PMS2: variants seen among roughly 807,000 people sequenced by gnomAD.
PMS2 encodes mismatch repair endonuclease PMS2.
A neutral mutation model predicts 90.0 loss-of-function variants in PMS2; 69 were observed. The ratio of observed to expected loss-of-function variants is 0.77; its 90% confidence interval spans 0.63 to 0.94. The LOEUF (loss-of-function observed/expected upper bound fraction) is 0.94. Among genes scored for constraint, PMS2 ranks in the 40% least tolerant of loss-of-function variants. The pLI is 0.00. For missense variants in PMS2, 966 were observed against 1,040.2 expected, an observed-to-expected ratio of 0.93 and a Z score of 0.98; for synonymous variants, 332 against 375.1, an observed-to-expected ratio of 0.89 and a Z score of 1.33.
At chr7:5,990,610 T>C (rs575836072) in intron 9 of PMS2, among the ~76,000 whole-genome samples, 10 of 152,326 alleles carry the variant, frequency 6.6e-5, no homozygotes, top group Admixed American at 4.6e-4. Flanking sequence ...TAGTACATTA[T>C]AGGTAGGTGT....
At chr7:6,008,394 A>G (rs2128861562) in intron 1 of PMS2, among the ~76,000 whole-genome samples, 1 of 152,244 alleles carries the variant, frequency 6.6e-6, no homozygotes, top group South Asian at 2.1e-4. Flanking sequence ...CATTTTTAAA[A>G]ACTGCGCAGC....
At chr7:5,993,720 G>C (rs527593805) in intron 8 of PMS2, among the ~76,000 whole-genome samples, 20 of 151,562 alleles carry the variant, frequency 1.3e-4, no homozygotes, top group African/African-American at 4.3e-4. Flanking sequence ...AATTAGCCGG[G>C]TGTGGTGATG....
intron 7 of PMS2, among the ~76,000 whole-genome samples, chr7:5,996,267 T>A (rs1444755526): frequency 2.0e-5 from 3 of 151,884 alleles, no homozygotes; most frequent in African/African-American, 4.8e-5. Context: ...GAAATACAGA[T>A]CTTAGGCTGG....
chr7:5,995,511 T>G (rs1784287243), intron 8 of PMS2, 23 bp downstream of exon 8: 1 of 1,525,424 alleles, frequency 6.6e-7, no homozygotes, highest in Non-Finnish European at 9.1e-7. Flanking sequence ...AAGAACAAAC[T>G]AACACAAAAA....
chr7:5,994,784 AAAAG>A (rs1784194792), intron 8 of PMS2, among the ~76,000 whole-genome samples: 1 of 152,048 alleles, frequency 6.6e-6, no homozygotes, highest in African/African-American at 2.4e-5. Context: ...CAGAAAAAAA[AAAAG>A]AAAGAAAAGA....
At chr7:6,002,740 A>C in intron 4 of PMS2, 104 bp from the exon 5 acceptor site, 1 of 893,888 alleles carries the variant, frequency 1.1e-6, no homozygotes, top group Non-Finnish European at 1.9e-6. Context: ...TTTCTTAAAA[A>C]GCTGACGATC....
chr7:5,987,751 T>C, intron 10 of PMS2, 131 bp from the exon 11 acceptor site: 1 of 1,047,030 alleles, frequency 9.6e-7, no homozygotes. Context: ...CAGTTCAATG[T>C]TCAAAATAAA....
intron 5 of PMS2, among the ~76,000 whole-genome samples, chr7:6,001,286 G>A (rs1400963142): frequency 2.0e-5 from 3 of 151,766 alleles, no homozygotes; most frequent in East Asian, 1.9e-4. Context: ...TAAACACAAC[G>A]ACTATATAAC....
At chr7:5,998,990 A>T in intron 6 of PMS2, 118 bp downstream of exon 6, 3 of 13,094 alleles carry the variant, frequency 2.3e-4, no homozygotes, top group Non-Finnish European at 4.1e-4. Flanking sequence ...ACTCCCTCTC[A>T]AAAAAAAAAA....
intron 12 of PMS2, among the ~76,000 whole-genome samples, chr7:5,981,837 C>T (rs1562611837): frequency 6.6e-6 from 1 of 151,650 alleles, no homozygotes; most frequent in Non-Finnish European, 1.5e-5. Context: ...CAGTAACAAC[C>T]CCATAGGTTT....
Position 5,986,867 on chromosome 7 carries a change from T to C in PMS2, c.1898A>G (p.His633Arg), listed in dbSNP as rs63750024. Residue 633 changes from histidine to arginine, a missense_variant, in exon 11 of 15, where the codon CAT becomes CGT. Physicochemically the swap from His to Arg is conservative, Grantham distance 29. This residue lies in a region of PMS2 where 871 missense variants were observed against 802.4 expected (regional missense o/e 1.09). Transcript: ENST00000265849. ...CCCTTCACTTTGCTGTGCTTCATGATGTAACTGCTTTATTCGTTTAGCTAA... is the reference window on the plus strand; with the variant it reads ...CCCTTCACTTTGCTGTGCTTCATGACGTAACTGCTTTATTCGTTTAGCTAA... ...SSLAKRIKQL[H>R]HEAQQSEGEQ... The C allele has an allele frequency of 6.2e-7, 1 of 1,614,146 alleles. No individual in the cohort carries two copies. The highest frequency in any genetic ancestry group is 2.2e-5 in the East Asian group (1 of 44,882).
Position 5,987,050 on chromosome 7 carries a change from G to A in PMS2, c.1715C>T (p.Ala572Val), listed in dbSNP as rs770625733. The change falls in exon 11 of 15, where the codon GCA becomes GTA. Residue 572 changes from alanine (A) to valine (V), a missense_variant. By Grantham distance (64) the Ala-to-Val change is moderately conservative (BLOSUM62 0). Transcript: ENST00000265849. ...FRVLPQPTNL[A>V]TPNTKRFKKE... ...TTTAAAACGCTTTGTGTTTGGGGTT[G>A]CGAGATTAGTTGGCTGAGGCAAAAC... The A allele has an allele frequency of 7.4e-6, 12 of 1,614,180 alleles. No homozygotes were observed. Among genetic ancestry groups the A allele is most frequent in the Middle Eastern group, 1.6e-4 (1 of 6,062 alleles).
In PMS2 at chr7:5,987,512, G is replaced by A. The variant is rs587782640; in HGVS notation, c.1253C>T (p.Ser418Phe). 9.3e-6 allele frequency: 15 copies of A among 1,614,072 alleles called. No individual in the cohort carries two copies. Among genetic ancestry groups the A allele is most frequent in the African/African-American group, 1.3e-5 (1 of 74,944 alleles). The change falls in exon 11 of 15, where the codon TCC (serine) becomes TTC (phenylalanine). Residue 418 changes from serine to phenylalanine, a missense_variant. Physicochemically the swap from Ser to Phe is radical, Grantham distance 155. Around this residue, in one of 2 missense-constraint regions of PMS2, gnomAD observed 871 missense variants for 802.4 expected, o/e 1.09. Coordinates refer to ENST00000265849, the MANE Select transcript of PMS2 (RefSeq NM_000535.7). ...AAGAGAAAAGGCCTCTCGCAGTCTG[G>A]AAATGGACACGTCTTTTTTTTCTTC... is the stretch of plus-strand genomic sequence containing the variant. Reference protein sequence around the residue: ...TGEEKKDVSISRLREAFSLRH... With the variant: ...TGEEKKDVSIFRLREAFSLRH...
At chr7:5,988,173 T>G (rs1214796653) in intron 10 of PMS2, among the ~76,000 whole-genome samples, 1 of 151,586 alleles carries the variant, frequency 6.6e-6, no homozygotes, top group Non-Finnish European at 1.5e-5. Flanking sequence ...GAGGAATGCC[T>G]GAATACCTCT....
chr7:5,988,980 T>C (rs560059314), intron 10 of PMS2, among the ~76,000 whole-genome samples: 7 of 151,976 alleles, frequency 4.6e-5, no homozygotes, highest in Non-Finnish European at 7.4e-5. Context: ...GTCAGCCTCC[T>C]GAGTAGCTGG....
intron 10 of PMS2, 23 bp downstream of exon 10, chr7:5,989,777 T>C: frequency 6.3e-7 from 1 of 1,597,452 alleles, no homozygotes; most frequent in Non-Finnish European, 8.6e-7. Flanking sequence ...TTAGAAGCTG[T>C]TTGTACACTG....
chr7:6,008,914 C>T (rs1583434282), intron 1 of PMS2, 83 bp downstream of exon 1: 1 of 1,526,072 alleles, frequency 6.6e-7, no homozygotes, highest in Non-Finnish European at 9.1e-7. Flanking sequence ...CATGTTCCCC[C>T]CATTTCCAGG....
At chr7:5,998,656 T>C (rs1784711307) in intron 6 of PMS2, among the ~76,000 whole-genome samples, 2 of 146,274 alleles carry the variant, frequency 1.4e-5, no homozygotes, top group Non-Finnish European at 1.5e-5. Context: ...ATGGCGCCAC[T>C]GCACTCCAAC....
rs1339878885 is a variant in PMS2, at chr7:5,987,368, C to G, written c.1397G>C (p.Gly466Ala). 6.2e-7 allele frequency: 1 copy of G among 1,614,086 alleles called. No individual in the cohort carries two copies. Among genetic ancestry groups the G allele is most frequent in the African/African-American group, 1.3e-5 (1 of 74,926 alleles). Reference protein sequence around the residue: ...SSTSGAISDKGVLRPQKEAVS... With the variant: ...SSTSGAISDKAVLRPQKEAVS... ...TGCCTCTTTCTGAGGTCTCAGGACGCCTTTGTCAGAGATGGCACCTGAAGT... is the reference window on the plus strand; with the variant it reads ...TGCCTCTTTCTGAGGTCTCAGGACGGCTTTGTCAGAGATGGCACCTGAAGT... Residue 466 changes from glycine to alanine, a missense_variant, in exon 11 of 15, where the codon GGC (glycine) becomes GCC (alanine). By Grantham distance (60) the Gly-to-Ala change is moderately conservative. Around this residue, in one of 2 missense-constraint regions of PMS2, gnomAD observed 871 missense variants for 802.4 expected, o/e 1.09. Transcript: ENST00000265849.
Sources: gnomAD v4.1 joint callset for allele counts (sites outside exome capture counted in the v4.1 genomes callset) on GRCh38, gnomAD v4.1.1 for gene constraint, gnomAD v4.1.1 regional missense constraint, MANE v1.5 for transcripts, NCBI Gene and HGNC (gene_info 2026-07-23, HGNC 2026-07-21) for gene names.